CSMD3: variants seen among roughly 807,000 people sequenced by gnomAD.
CSMD3 encodes CUB and sushi domain-containing protein 3.
CSMD3 carries 177 observed loss-of-function variants against 435.2 expected under a neutral mutation model. The ratio of observed to expected loss-of-function variants is 0.41; its 90% CI spans 0.36 to 0.46. The LOEUF (loss-of-function observed/expected upper bound fraction) is 0.46, where lower values mean the gene tolerates loss of function less well. Among genes scored for constraint, CSMD3 ranks in the 20% least tolerant of loss-of-function variants. The pLI, the probability that CSMD3 is intolerant of heterozygous loss-of-function variation, is 0.34. For missense variants in CSMD3, 4,265 were observed against 4,504.6 expected, an observed-to-expected ratio of 0.95 and a Z score of 1.52; for synonymous variants, 1,656 against 1,520.5, an observed-to-expected ratio of 1.09 and a Z score of -2.07.
intron 27 of CSMD3, 138 bp from the exon 28 acceptor site, chr8:112,517,363 T>A: frequency 1.6e-6 from 1 of 625,086 alleles, no homozygotes; most frequent in Non-Finnish European, 2.8e-6. Flanking sequence ...TTTCTCCATA[T>A]TTTAAATAAT....
At chr8:112,859,064 A>C in intron 11 of CSMD3, 81 bp downstream of exon 11, 1 of 1,319,910 alleles carries the variant, frequency 7.6e-7, no homozygotes, top group Non-Finnish European at 1.1e-6. Context: ...AATTTTCCAT[A>C]CTGCATGTTC....
intron 1 of CSMD3, among the ~76,000 whole-genome samples, chr8:113,410,227 G>A (rs990077540): frequency 2.0e-5 from 3 of 151,948 alleles, no homozygotes; most frequent in East Asian, 1.9e-4. Flanking sequence ...ACCAGACCTC[G>A]GGCAATTCCT....
chr8:112,303,509 C>T (rs1309913242), intron 52 of CSMD3, among the ~76,000 whole-genome samples: 3 of 151,856 alleles, frequency 2.0e-5, no homozygotes, highest in African/African-American at 7.3e-5. Context: ...GAGCTGAGAT[C>T]GCGCCACTGC....
intron 11 of CSMD3, among the ~76,000 whole-genome samples, chr8:112,853,636 C>T (rs2080560874): frequency 6.6e-6 from 1 of 152,212 alleles, no homozygotes; most frequent in Admixed American, 6.5e-5. Flanking sequence ...CAAACTTTCA[C>T]CTCTATCCTT....
intron 3 of CSMD3, among the ~76,000 whole-genome samples, chr8:113,231,012 T>C (rs1381821177): frequency 6.6e-6 from 1 of 151,134 alleles, no homozygotes; most frequent in Non-Finnish European, 1.5e-5. Context: ...TCTATCTCAA[T>C]TTTTTTTCTT....
intron 12 of CSMD3, among the ~76,000 whole-genome samples, chr8:112,817,975 A>C (rs558493212): frequency 1.3e-4 from 20 of 152,122 alleles, no homozygotes; most frequent in Non-Finnish European, 1.9e-4. Flanking sequence ...AATTACAAAA[A>C]AATTTCTTTA....
intron 27 of CSMD3, among the ~76,000 whole-genome samples, chr8:112,519,633 T>C (rs1824069670): frequency 6.6e-6 from 1 of 152,192 alleles, no homozygotes; most frequent in African/African-American, 2.4e-5. Flanking sequence ...ATAATGCTAA[T>C]ATGTAATACT....
At chr8:112,379,747 G>A (rs1015567918) in intron 38 of CSMD3, among the ~76,000 whole-genome samples, 2 of 152,074 alleles carry the variant, frequency 1.3e-5, no homozygotes, top group African/African-American at 4.8e-5. Flanking sequence ...AACTGTTGGG[G>A]TCACAATTCT....
At chr8:113,425,760 G>C (rs957956796) in intron 1 of CSMD3, among the ~76,000 whole-genome samples, 7 of 151,466 alleles carry the variant, frequency 4.6e-5, no homozygotes, top group African/African-American at 1.4e-4. Context: ...AAAGAGCGTT[G>C]AACATGAATT....
intron 38 of CSMD3, among the ~76,000 whole-genome samples, chr8:112,376,758 T>C (rs1405685727): frequency 2.0e-5 from 3 of 152,184 alleles, no homozygotes; most frequent in Non-Finnish European, 4.4e-5. Context: ...CTAGGTGCTA[T>C]GTCCATTTAT....
chr8:113,098,872 G>T lies in CSMD3; in HGVS notation c.801C>A (p.Cys267Ter), dbSNP rs2131547023. ...FPNEYHNNAD[C>*]TWTIVAEPGD... ...CAGGCTCTGCTACAATGGTCCAAGTGCAATCAGCATTGTTATGGTACTCAT... is the reference window on the plus strand; with the variant it reads ...CAGGCTCTGCTACAATGGTCCAAGTTCAATCAGCATTGTTATGGTACTCAT... Residue 267 changes from cysteine to a stop codon, truncating the protein, a stop_gained, in exon 5 of 71, where the codon TGC (cysteine) becomes TGA (stop). Coordinates refer to ENST00000297405, the MANE Select transcript of CSMD3 (RefSeq NM_198123.2). LOFTEE classifies it high-confidence loss of function. The T allele has an allele frequency of 1.2e-6, 2 of 1,610,412 alleles. No individual in the cohort carries two copies. The highest frequency in any genetic ancestry group is 8.5e-7 in the Non-Finnish European group (1 of 1,176,908).
intron 13 of CSMD3, among the ~76,000 whole-genome samples, chr8:112,734,681 A>G (rs1482868579): frequency 1.3e-5 from 2 of 151,968 alleles, no homozygotes; most frequent in Non-Finnish European, 2.9e-5. Flanking sequence ...AAATTCTAAT[A>G]ATGCATGAAC....
intron 1 of CSMD3, among the ~76,000 whole-genome samples, chr8:113,348,699 G>A (rs2094169084): frequency 6.6e-6 from 1 of 152,018 alleles, no homozygotes; most frequent in Non-Finnish European, 1.5e-5. Context: ...ATGAACAGAA[G>A]GAATGCTCAA....
intron 10 of CSMD3, among the ~76,000 whole-genome samples, chr8:112,903,853 C>A (rs958491779): frequency 6.6e-6 from 1 of 151,298 alleles, no homozygotes; most frequent in South Asian, 2.1e-4. Flanking sequence ...GTCACTCTGT[C>A]ATTCCACGAG....
intron 45 of CSMD3, among the ~76,000 whole-genome samples, chr8:112,330,644 T>G (rs921899328): frequency 6.6e-6 from 1 of 151,536 alleles, no homozygotes; most frequent in Non-Finnish European, 1.5e-5. Flanking sequence ...TGTCACTACT[T>G]TGTAGATCTT....
intron 5 of CSMD3, among the ~76,000 whole-genome samples, chr8:113,084,922 A>G (rs550984135): frequency 6.6e-6 from 1 of 152,198 alleles, no homozygotes; most frequent in African/African-American, 2.4e-5. Context: ...GCAGAAGAAT[A>G]TAATTAGACC....
chr8:113,186,328 C>T (rs572433109), intron 3 of CSMD3, among the ~76,000 whole-genome samples: 2 of 152,084 alleles, frequency 1.3e-5, no homozygotes, highest in Admixed American at 6.5e-5. Flanking sequence ...AAGGTTCTAC[C>T]ACCATTCAAT....
chr8:113,150,581 A>C (rs938872909), intron 4 of CSMD3, among the ~76,000 whole-genome samples: 15 of 151,950 alleles, frequency 9.9e-5, no homozygotes, highest in South Asian at 6.2e-4. Context: ...CATATTCCTG[A>C]CCTACAGACA....
At chr8:112,994,698 A>T (rs1439961220) in intron 6 of CSMD3, among the ~76,000 whole-genome samples, 3 of 151,602 alleles carry the variant, frequency 2.0e-5, no homozygotes, top group South Asian at 4.1e-4. Flanking sequence ...TCTATACTAC[A>T]GAGACATCAC....
Sources: gnomAD v4.1 joint callset for allele counts (sites outside exome capture counted in the v4.1 genomes callset) on GRCh38, gnomAD v4.1.1 for gene constraint, MANE v1.5 for transcripts, NCBI Gene and HGNC (gene_info 2026-07-23, HGNC 2026-07-21) for gene names.